NEU3: variants seen among roughly 807,000 people sequenced by gnomAD.
NEU3 encodes the protein neuraminidase 3.
In NEU3, 10 loss-of-function variants were observed where a neutral mutation model predicts 11.4. The ratio of observed to expected loss-of-function variants is 0.88; its 90% CI spans 0.54 to 1.49. The LOEUF (loss-of-function observed/expected upper bound fraction) is 1.49. Ranked by LOEUF, NEU3 falls within the 40% of genes most tolerant of loss-of-function variation. The pLI is 0.00. For missense variants in NEU3, 529 were observed against 581.8 expected, an observed-to-expected ratio of 0.91 and a Z score of 0.93; for synonymous variants, 212 against 228.2, an observed-to-expected ratio of 0.93 and a Z score of 0.64.
downstream of NEU3, among the ~76,000 whole-genome samples, chr11:75,014,331 A>AGTT (rs1948972343): frequency 6.6e-6 from 1 of 152,218 alleles, no homozygotes; most frequent in Non-Finnish European, 1.5e-5. Context: ...CTGAGTCACA[A>AGTT]GTTGGAGATA....
chr11:75,002,989 TTA>T (rs1419407952), intron 2 of NEU3, among the ~76,000 whole-genome samples: 1 of 152,218 alleles, frequency 6.6e-6, no homozygotes, highest in African/African-American at 2.4e-5. Flanking sequence ...GGGTTAGTTA[TTA>T]TAAGTATAGA....
At chr11:74,981,530 A>G in the NEU3 span, among the ~76,000 whole-genome samples, 1 of 152,174 alleles carries the variant, frequency 6.6e-6, no homozygotes, top group African/African-American at 2.4e-5. Flanking sequence ...TCATCCATCT[A>G]GGCCTACCCT....
At chr11:74,997,756 A>G (rs537339866) in intron 2 of NEU3, among the ~76,000 whole-genome samples, 6 of 150,928 alleles carry the variant, frequency 4.0e-5, no homozygotes, top group Non-Finnish European at 8.8e-5. Context: ...CCAGCTACTC[A>G]GGAGGCTGAG....
In NEU3 at chr11:75,006,162, G is replaced by A; in HGVS notation, c.1056G>A (p.Glu352=). 2 of 1,614,032 alleles carry A rather than the reference G, an allele frequency of 1.2e-6. No individual in the cohort carries two copies. Among genetic ancestry groups the A allele is most frequent in the South Asian group, 1.1e-5 (1 of 91,084 alleles). ...CAGGCAGTTCACTGAGGCTGGAGGA[G>A]GAAGCTGGAACACCGTCAGAATCAT... ...SSPGSSLRLE[E]EAGTPSESWL... The change falls in exon 3 of 3, where the codon GAG becomes GAA. Residue 352 remains glutamate, a synonymous_variant. Coordinates refer to ENST00000294064, the MANE Select transcript of NEU3 (RefSeq NM_006656.6).
At chr11:74,996,080 G>C (rs1948787817) in intron 2 of NEU3, among the ~76,000 whole-genome samples, 1 of 152,144 alleles carries the variant, frequency 6.6e-6, no homozygotes, top group African/African-American at 2.4e-5. Flanking sequence ...CTTGAGCCCA[G>C]AAGTTCAAGG....
At chr11:75,004,046 T>G (rs1019697182) in intron 2 of NEU3, among the ~76,000 whole-genome samples, 5 of 152,240 alleles carry the variant, frequency 3.3e-5, no homozygotes, top group African/African-American at 1.2e-4. Context: ...TTGAATAATC[T>G]TATACATACT....
the NEU3 span, among the ~76,000 whole-genome samples, chr11:74,981,383 G>A: frequency 2.0e-5 from 3 of 152,186 alleles, no homozygotes; most frequent in East Asian, 1.9e-4. Context: ...GTGAATGTAA[G>A]ACTGACCATT....
chr11:74,982,914 A>T, the NEU3 span, among the ~76,000 whole-genome samples: 1 of 151,878 alleles, frequency 6.6e-6, no homozygotes, highest in Admixed American at 6.6e-5. Flanking sequence ...CACCTCTCAC[A>T]CTTCTGGCTG....
chr11:74,984,560 C>A (rs2140226667), upstream of NEU3, among the ~76,000 whole-genome samples: 1 of 152,258 alleles, frequency 6.6e-6, no homozygotes, highest in Non-Finnish European at 1.5e-5. Context: ...TTCTTGACAG[C>A]CCCACTCCTA....
chr11:74,996,012 G>A (rs1273576413), intron 2 of NEU3, among the ~76,000 whole-genome samples: 3 of 152,004 alleles, frequency 2.0e-5, no homozygotes, highest in Admixed American at 1.3e-4. Flanking sequence ...AACATTGGGT[G>A]GGTTTAGTGG....
chr11:74,983,842 G>A (rs956721086), upstream of NEU3, among the ~76,000 whole-genome samples: 1 of 152,262 alleles, frequency 6.6e-6, no homozygotes, highest in Admixed American at 6.5e-5. Flanking sequence ...GTCTCAGACC[G>A]AGTACAGGGT....
downstream of NEU3, among the ~76,000 whole-genome samples, chr11:75,014,521 A>T (rs1412514040): frequency 6.6e-6 from 1 of 152,216 alleles, no homozygotes. Context: ...CCAACCTGCA[A>T]ATCAGGAAAC....
downstream of NEU3, among the ~76,000 whole-genome samples, chr11:75,013,641 A>C (rs1948969151): frequency 1.3e-5 from 2 of 152,204 alleles, no homozygotes; most frequent in Admixed American, 1.3e-4. Context: ...ACTTGGTCTG[A>C]GTGGTCTCTG....
upstream of NEU3, among the ~76,000 whole-genome samples, chr11:74,983,370 AGAAAT>A (rs1298581094): frequency 1.3e-5 from 2 of 152,226 alleles, no homozygotes; most frequent in Non-Finnish European, 2.9e-5. Flanking sequence ...CAAGAGGAAA[AGAAAT>A]AAAAGCACAG....
At chr11:74,992,330 A>T (rs540723948) in intron 1 of NEU3, among the ~76,000 whole-genome samples, 3 of 152,168 alleles carry the variant, frequency 2.0e-5, no homozygotes, top group African/African-American at 7.2e-5. Flanking sequence ...TGTTTCCCTC[A>T]CTTGGATTGG....
At chr11:75,017,689 G>A (rs770781099) in intron 3 of NEU3, among the ~76,000 whole-genome samples, 44 of 152,246 alleles carry the variant, frequency 2.9e-4, no homozygotes, top group Middle Eastern at 6.8e-3. Flanking sequence ...TCTGAAAGAG[G>A]TTGACCTGGG....
At chr11:74,981,553 G>A in the NEU3 span, among the ~76,000 whole-genome samples, 5 of 152,148 alleles carry the variant, frequency 3.3e-5, no homozygotes, top group Non-Finnish European at 7.3e-5. Context: ...GGCACTTGGG[G>A]GTGTAGGCCA....
upstream of NEU3, among the ~76,000 whole-genome samples, chr11:74,987,271 A>G (rs1338291468): frequency 6.6e-6 from 1 of 152,172 alleles, no homozygotes; most frequent in African/African-American, 2.4e-5. Flanking sequence ...ATTTTTCTCC[A>G]TATGTCGATA....
Position 75,006,156 on chromosome 11 carries a change from G to A in NEU3, c.1050G>A (p.Leu350=), listed in dbSNP as rs563424082. 2.6e-5 allele frequency: 42 copies of A among 1,614,036 alleles called. No homozygotes were observed. The East Asian group carries it at 2.7e-4, about 10-fold the overall frequency. ...GCTCTCCAGGCAGTTCACTGAGGCT[G>A]GAGGAGGAAGCTGGAACACCGTCAG... ...QQSSPGSSLR[L]EEEAGTPSES... is the part of the protein sequence containing the mutation. Residue 350 remains leucine (L), a synonymous_variant, in exon 3 of 3, where the codon CTG becomes CTA. Transcript: ENST00000294064.
Sources: allele counts gnomAD v4.1 joint callset (sites outside exome capture counted in the v4.1 genomes callset), GRCh38; gene constraint gnomAD v4.1.1; transcripts MANE v1.5; gene names NCBI Gene and HGNC (gene_info 2026-07-23, HGNC 2026-07-21).